UBE2V1: variants seen among roughly 807,000 people sequenced by gnomAD.
UBE2V1 encodes ubiquitin conjugating enzyme E2 V1.
In UBE2V1, 15 loss-of-function variants were observed where a neutral mutation model predicts 19.6. The observed-to-expected ratio is 0.77, with a 90% CI of 0.51 to 1.18. The LOEUF is 1.18. Ranked by LOEUF, UBE2V1 falls within the 50% of genes most tolerant of loss-of-function variation. The pLI is 0.00. For synonymous variants in UBE2V1, 60 were observed against 60.7 expected (o/e 0.99, Z 0.05); for missense variants, 125 against 184.8 (o/e 0.68, Z 1.88).
At position 50,092,643 on chromosome 20, in the gene UBE2V1, T is replaced by C. The variant is rs148746793; in HGVS notation, c.171+4029A>G. Among the ~76,000 whole-genome samples, 94 of 152,326 alleles carry C rather than the reference T, an allele frequency of 6.2e-4. 1 individual carries two copies. In the East Asian group the frequency reaches 9.6e-3, roughly 16 times the overall value. On this transcript the variant is annotated intron_variant, in intron 2 of 3. Coordinates refer to ENST00000371674, the MANE Select transcript of UBE2V1 (RefSeq NM_001032288.3). ...ACTTCTGTGGTCAAAGTAGAAATAT[T>C]CCATGTCTAACGCTGTGGACAGCTA...
chr20:50,091,694 C>T (rs1231067951), intron 2 of UBE2V1, among the ~76,000 whole-genome samples: 4 of 152,016 alleles, frequency 2.6e-5, no homozygotes, highest in Non-Finnish European at 5.9e-5. Context: ...CGCCCCGCCT[C>T]AAAGCTTTTA....
chr20:50,113,181 G>GT (rs1198580586), upstream of UBE2V1: 247 of 1,193,026 alleles, frequency 2.1e-4, 1 homozygote, highest in African/African-American at 2.3e-3. Context: ...CCCCTTACCC[G>GT]TCCCCCGGCC....
chr20:50,096,389 T>C (rs1292339772), intron 2 of UBE2V1: 1 of 579,318 alleles, frequency 1.7e-6, no homozygotes, highest in Non-Finnish European at 2.8e-6. Context: ...CAGAGATTGT[T>C]CTGAACGACA....
chr20:50,106,903 A>C (rs906031586), intron 1 of UBE2V1, among the ~76,000 whole-genome samples: 2 of 151,790 alleles, frequency 1.3e-5, no homozygotes, highest in Admixed American at 6.6e-5. Context: ...AAAAGGTAGA[A>C]CCTCAGAGGT....
chr20:50,082,796 G>A lies in UBE2V1; in HGVS notation c.416C>T (p.Pro139Leu), dbSNP rs367976937. ...MSKENMKLPQ[P>L]PEGQCYSN The stretch of plus-strand genomic sequence containing the variant: ...ATTGCTGTAACACTGTCCTTCGGGC[G>A]GCTGAGGGAGTTTCATATTTTCTTT... The change falls in exon 4 of 4, where the codon CCG becomes CTG. Residue 139 changes from proline (P) to leucine (L), a missense_variant. Transcript: ENST00000371674. 1.6e-5 allele frequency: 26 copies of A among 1,612,916 alleles called. No homozygotes were observed. The highest frequency in any genetic ancestry group is 2.1e-5 in the Non-Finnish European group (25 of 1,179,856).
chr20:50,084,516 G>T, intron 2 of UBE2V1: 1 of 585,676 alleles, frequency 1.7e-6, no homozygotes, highest in Non-Finnish European at 3.2e-6. Context: ...TCTAATCAGA[G>T]GGACCTGTTT....
At chr20:50,112,755 G>A (rs764662982) in intron 1 of UBE2V1, among the ~76,000 whole-genome samples, 5 of 152,174 alleles carry the variant, frequency 3.3e-5, no homozygotes, top group East Asian at 1.9e-4. Flanking sequence ...CTCCTCTAGG[G>A]GACCTCTAGA....
chr20:50,100,585 CAA>C (rs397752567), intron 1 of UBE2V1, among the ~76,000 whole-genome samples: 3 of 140,294 alleles, frequency 2.1e-5, no homozygotes, highest in African/African-American at 7.8e-5. Context: ...ACTCCATCTC[CAA>C]AAAAAAAAAA....
upstream of UBE2V1, chr20:50,114,937 A>C (rs6020271): frequency 1.3e-5 from 2 of 151,786 alleles, no homozygotes; most frequent in African/African-American, 2.4e-5. Flanking sequence ...GTGGTAGCAC[A>C]CACCTGTAAT....
chr20:50,093,316 CA>C (rs2079353596), intron 2 of UBE2V1, among the ~76,000 whole-genome samples: 1 of 152,148 alleles, frequency 6.6e-6, no homozygotes, highest in East Asian at 1.9e-4. Context: ...AAAACAATAA[CA>C]AAAACCTAAT....
At chr20:50,109,041 A>C in intron 1 of UBE2V1, 4 of 985,432 alleles carry the variant, frequency 4.1e-6, no homozygotes, top group Non-Finnish European at 4.8e-6. Context: ...TCCGAGCATC[A>C]CCAGTCTCCC....
intron 2 of UBE2V1, 162 bp downstream of exon 2, chr20:50,096,510 G>A (rs779476252): frequency 1.3e-6 from 2 of 1,534,088 alleles, no homozygotes; most frequent in South Asian, 1.2e-5. Flanking sequence ...CAGCATCAGA[G>A]GAGGTTCAAA....
At chr20:50,106,158 C>G (rs956354456) in intron 1 of UBE2V1, among the ~76,000 whole-genome samples, 4 of 151,708 alleles carry the variant, frequency 2.6e-5, no homozygotes, top group African/African-American at 9.7e-5. Context: ...TAATCCAAGA[C>G]TTTTTGAAGA....
chr20:50,105,332 C>G lies in UBE2V1; in HGVS notation c.22+7775G>C, dbSNP rs143784839. On this transcript the variant is annotated intron_variant, in intron 1 of 3. Transcript: ENST00000371674. ...CATAAGTCCAAATATGGTTGGAATT[C>G]AGAGATCCTGCAGACTTCAGGATGT... Among the ~76,000 whole-genome samples, 42 of 152,288 alleles carry G rather than the reference C, an allele frequency of 2.8e-4. No homozygotes were observed. In the East Asian group the frequency reaches 8.1e-3, roughly 29 times the overall value.
At position 50,094,297 on chromosome 20, in the gene UBE2V1, T is replaced by TGCA. The variant is rs1323718771; in HGVS notation, c.171+2374_171+2375insTGC. 4.5e-3 allele frequency among the ~76,000 whole-genome samples: 612 copies of TGCA among 134,610 alleles called. 11 individuals carry two copies. Among genetic ancestry groups the TGCA allele is most frequent in the African/African-American group, 0.011 (342 of 32,228 alleles). The allele number at this position is 134,610 out of a possible 152,430, so 88.3% of individuals were successfully genotyped here. A position where few individuals can be genotyped will look rare whatever the true frequency, so the allele number is the denominator to read the frequency against. On this transcript the variant is annotated intron_variant, in intron 2 of 3. Transcript: ENST00000371674. ...ATATAATGCATTATATAATATATAATTATATATAATATATGTCCATCTTCA... is the reference window on the plus strand; with the variant it reads ...ATATAATGCATTATATAATATATAATGCATATATATAATATATGTCCATCTTCA...
chr20:50,115,806 G>A (rs1041908599), upstream of UBE2V1: 5 of 408,300 alleles, frequency 1.2e-5, no homozygotes, highest in Non-Finnish European at 2.1e-5. Context: ...AACAGGTGGA[G>A]AGGATGAGGA....
At chr20:50,087,011 A>G (rs1446560113) in intron 2 of UBE2V1, among the ~76,000 whole-genome samples, 1 of 152,172 alleles carries the variant, frequency 6.6e-6, no homozygotes, top group Non-Finnish European at 1.5e-5. Flanking sequence ...CGGGAGGTGG[A>G]GCTTGCAGTG....
At chr20:50,113,636 T>G (rs1333852601), upstream of UBE2V1, among the ~76,000 whole-genome samples, 1 of 152,170 alleles carries the variant, frequency 6.6e-6, no homozygotes, top group Non-Finnish European at 1.5e-5. Flanking sequence ...TTTTGAATCA[T>G]CACCCTCCAG....
At chr20:50,102,307 T>G (rs568912071) in intron 1 of UBE2V1, among the ~76,000 whole-genome samples, 1 of 152,214 alleles carries the variant, frequency 6.6e-6, no homozygotes, top group Non-Finnish European at 1.5e-5. Context: ...GTACTTCAGA[T>G]AAATACCTGT....
Sources: allele counts gnomAD v4.1 joint callset (sites outside exome capture counted in the v4.1 genomes callset), GRCh38; gene constraint gnomAD v4.1.1; transcripts MANE v1.5; gene names NCBI Gene and HGNC (gene_info 2026-07-23, HGNC 2026-07-21).